The following ROBO2 variants were observed in gnomAD, a reference collection of about 807,000 sequenced individuals.
ROBO2 encodes the protein roundabout guidance receptor 2.
ROBO2 carries 53 observed loss-of-function variants against 160.8 expected under a neutral mutation model. The observed-to-expected ratio is 0.33, with a 90% CI of 0.26 to 0.41. ROBO2 has a LOEUF of 0.41. ROBO2 is among the 10% of genes least tolerant of loss of function. The probability of loss-of-function intolerance (pLI) is 1.00; values close to 1 mark genes in which losing one functional copy is unlikely to be tolerated. For synonymous variants in ROBO2, 664 were observed against 611.7 expected (o/e 1.09, Z -1.26); for missense variants, 1,577 against 1,722.4 (o/e 0.92, Z 1.49).
intron 2 of ROBO2, among the ~76,000 whole-genome samples, chr3:76,357,325 C>A (rs1328888940): frequency 6.6e-6 from 1 of 151,990 alleles, no homozygotes; most frequent in East Asian, 1.9e-4. Context: ...GATAAATGAA[C>A]AAACTGCTGT....
intron 2 of ROBO2, among the ~76,000 whole-genome samples, chr3:76,089,485 A>C (rs924895150): frequency 6.6e-6 from 1 of 152,140 alleles, no homozygotes; most frequent in Admixed American, 6.5e-5. Context: ...TATACACCAC[A>C]ACCAAATTAG....
At chr3:77,040,881 C>T in intron 1 of ROBO2, 35 bp downstream of exon 1, 1 of 1,600,470 alleles carries the variant, frequency 6.2e-7, no homozygotes, top group Non-Finnish European at 8.5e-7. Flanking sequence ...TTTTTGCGCC[C>T]CCCACCCCCC....
At chr3:77,083,114 T>G (rs2068858779) in intron 1 of ROBO2, among the ~76,000 whole-genome samples, 1 of 152,112 alleles carries the variant, frequency 6.6e-6, no homozygotes, top group African/African-American at 2.4e-5. Flanking sequence ...TTTTTTCAAA[T>G]TTTCAGTGAA....
At chr3:76,203,614 C>T (rs1474174406) in intron 2 of ROBO2, among the ~76,000 whole-genome samples, 1 of 147,516 alleles carries the variant, frequency 6.8e-6, no homozygotes, top group East Asian at 2.0e-4. Context: ...GATCACAGGT[C>T]ACGGTTCTAG....
intron 2 of ROBO2, among the ~76,000 whole-genome samples, chr3:76,110,796 CAATT>C (rs763920063): frequency 4.5e-4 from 69 of 151,982 alleles, no homozygotes; most frequent in Non-Finnish European, 8.4e-4. Context: ...AATAAAAATT[CAATT>C]AATTAGTTTG....
At chr3:76,500,671 G>A (rs1409234782) in intron 2 of ROBO2, among the ~76,000 whole-genome samples, 1 of 152,118 alleles carries the variant, frequency 6.6e-6, no homozygotes, top group Non-Finnish European at 1.5e-5. Flanking sequence ...GCTCTGGAAA[G>A]CTCTCCACAT....
At chr3:75,931,740 A>G (rs891226522) in intron 1 of ROBO2, among the ~76,000 whole-genome samples, 2 of 151,576 alleles carry the variant, frequency 1.3e-5, no homozygotes, top group African/African-American at 4.9e-5. Flanking sequence ...TCCCCCCAAC[A>G]CCCTTGTTGT....
At chr3:77,552,928 T>C (rs1209655337) in intron 8 of ROBO2, among the ~76,000 whole-genome samples, 1 of 151,978 alleles carries the variant, frequency 6.6e-6, no homozygotes, top group Non-Finnish European at 1.5e-5. Context: ...TTTGATATAA[T>C]TCAGGGAATT....
At chr3:77,325,477 G>T (rs2065284169) in intron 2 of ROBO2, among the ~76,000 whole-genome samples, 1 of 152,222 alleles carries the variant, frequency 6.6e-6, no homozygotes, top group Admixed American at 6.5e-5. Flanking sequence ...CTGCTGTCTG[G>T]TGCCATGGGG....
At chr3:76,219,527 A>G (rs906310976) in intron 2 of ROBO2, among the ~76,000 whole-genome samples, 3 of 152,228 alleles carry the variant, frequency 2.0e-5, no homozygotes, top group Admixed American at 2.0e-4. Context: ...ACATGAACAG[A>G]CACTTCTCAA....
intron 2 of ROBO2, among the ~76,000 whole-genome samples, chr3:76,410,130 T>C (rs892636575): frequency 9.2e-5 from 14 of 152,240 alleles, no homozygotes; most frequent in African/African-American, 3.4e-4. Flanking sequence ...ACTAGAAATT[T>C]GTAGGCAAAA....
intron 2 of ROBO2, among the ~76,000 whole-genome samples, chr3:77,334,296 C>T (rs2066265067): frequency 6.6e-6 from 1 of 152,170 alleles, no homozygotes; most frequent in Non-Finnish European, 1.5e-5. Context: ...CTGCCTTGGG[C>T]ACTGCTGACC....
intron 2 of ROBO2, among the ~76,000 whole-genome samples, chr3:76,603,450 GA>G (rs1330973607): frequency 7.1e-6 from 1 of 141,018 alleles, no homozygotes; most frequent in Non-Finnish European, 1.5e-5. Context: ...TAAAGAATTA[GA>G]AAATATAATT....
chr3:76,960,222 A>G (rs552689734), intron 2 of ROBO2, among the ~76,000 whole-genome samples: 9 of 151,900 alleles, frequency 5.9e-5, no homozygotes, highest in Admixed American at 2.0e-4. Context: ...AGATTTAGCT[A>G]TAGTTATTTT....
intron 2 of ROBO2, among the ~76,000 whole-genome samples, chr3:77,124,676 A>T (rs2075144980): frequency 6.6e-6 from 1 of 152,158 alleles, no homozygotes; most frequent in African/African-American, 2.4e-5. Flanking sequence ...TAATAGGTAT[A>T]CTGGCTTCAG....
chr3:77,303,349 C>T (rs973901576), intron 2 of ROBO2, among the ~76,000 whole-genome samples: 6 of 152,076 alleles, frequency 3.9e-5, no homozygotes, highest in African/African-American at 9.7e-5. Flanking sequence ...TGAAGCCGTA[C>T]GATAAACTAT....
chr3:77,387,357 A>G (rs2074242194), intron 2 of ROBO2, among the ~76,000 whole-genome samples: 1 of 151,324 alleles, frequency 6.6e-6, no homozygotes, highest in South Asian at 2.1e-4. Context: ...AAAAAAAATG[A>G]AAAAAAGAAA....
chr3:76,728,886 T>A (rs900739135), intron 2 of ROBO2, among the ~76,000 whole-genome samples: 1 of 148,696 alleles, frequency 6.7e-6, no homozygotes, highest in Middle Eastern at 3.5e-3. Context: ...AGAGTACCAG[T>A]AGTAAAAGTA....
chr3:77,160,662 C>G (rs1268257216), intron 2 of ROBO2, among the ~76,000 whole-genome samples: 1 of 152,134 alleles, frequency 6.6e-6, no homozygotes, highest in Admixed American at 6.5e-5. Context: ...ATGGGACACA[C>G]CATGCAGTTT....
Sources: gnomAD v4.1 joint callset for allele counts (sites outside exome capture counted in the v4.1 genomes callset) on GRCh38, gnomAD v4.1.1 for gene constraint, MANE v1.5 for transcripts, NCBI Gene and HGNC (gene_info 2026-07-23, HGNC 2026-07-21) for gene names.